The following GRM7 variants were observed in gnomAD, a reference collection of about 807,000 sequenced individuals.
The protein encoded by GRM7 is metabotropic glutamate receptor 7.
A neutral mutation model predicts 84.5 loss-of-function variants in GRM7; 35 were observed. The observed-to-expected ratio is 0.41, with a 90% CI of 0.32 to 0.55. The LOEUF (loss-of-function observed/expected upper bound fraction) is 0.55. GRM7 is among the 20% of genes least tolerant of loss of function. The pLI, the probability that GRM7 is intolerant of heterozygous loss-of-function variation, is 0.19. For missense variants in GRM7, 1,003 were observed against 1,194.6 expected (o/e 0.84, Z 2.36); for synonymous variants, 487 against 455.1 (o/e 1.07, Z -0.89).
intron 4 of GRM7, among the ~76,000 whole-genome samples, chr3:7,330,319 G>C (rs1462763224): frequency 6.6e-6 from 1 of 152,088 alleles, no homozygotes; most frequent in Non-Finnish European, 1.5e-5. Flanking sequence ...GTGACTTTCT[G>C]TCCCTGGAAG....
In GRM7 at chr3:6,861,640, C is replaced by T. The variant is rs747267079; in HGVS notation, c.252C>T (p.Tyr84=). The change falls in exon 1 of 10, where the codon TAC becomes TAT. Residue 84 remains tyrosine, a synonymous_variant. Transcript: ENST00000357716. This position sits in a 1 kb window ranked among gnomAD's most constrained non-coding sequence, Gnocchi z 6.4. ...NGIHRLEAML[Y]ALDQINSDPN... Reference sequence around the variant, plus strand: ...TCCACAGGCTGGAAGCGATGCTCTACGCCCTGGACCAGATCAACAGTGATC... The same window carrying T: ...TCCACAGGCTGGAAGCGATGCTCTATGCCCTGGACCAGATCAACAGTGATC... The T allele has an allele frequency of 8.1e-6, 13 of 1,613,666 alleles. No homozygotes were observed. Among genetic ancestry groups the T allele is most frequent in the South Asian group, 1.1e-5 (1 of 91,016 alleles).
chr3:7,735,746 A>G (rs1282696196), intron 9 of GRM7, among the ~76,000 whole-genome samples: 1 of 152,150 alleles, frequency 6.6e-6, no homozygotes, highest in African/African-American at 2.4e-5. Flanking sequence ...TCCTTCCTTA[A>G]TATCTTACAC....
At chr3:7,373,547 G>A (rs1694224845) in intron 4 of GRM7, among the ~76,000 whole-genome samples, 1 of 152,100 alleles carries the variant, frequency 6.6e-6, no homozygotes, top group African/African-American at 2.4e-5. Flanking sequence ...AGTCCTCCAT[G>A]AGGAAAAGTA....
intron 1 of GRM7, among the ~76,000 whole-genome samples, chr3:7,004,171 C>T (rs1695105519): frequency 6.6e-6 from 1 of 152,112 alleles, no homozygotes; most frequent in Non-Finnish European, 1.5e-5. Flanking sequence ...CGTGATTATA[C>T]ATGTAAGCCA....
At chr3:7,509,872 T>C (rs565375757) in intron 7 of GRM7, among the ~76,000 whole-genome samples, 2 of 152,104 alleles carry the variant, frequency 1.3e-5, no homozygotes, top group African/African-American at 4.8e-5. Flanking sequence ...GGATATAGAA[T>C]CACCAGTGAA....
chr3:7,370,843 C>T (rs977692317), intron 4 of GRM7, among the ~76,000 whole-genome samples: 4 of 152,108 alleles, frequency 2.6e-5, no homozygotes, highest in Non-Finnish European at 5.9e-5. Context: ...ATTCCTCAGG[C>T]AGCAGTGTGG....
intron 4 of GRM7, among the ~76,000 whole-genome samples, chr3:7,391,556 T>C (rs1303701307): frequency 6.6e-6 from 1 of 151,962 alleles, no homozygotes. Flanking sequence ...CCGGGGCCTG[T>C]CGTGGGGCGG....
intron 7 of GRM7, among the ~76,000 whole-genome samples, chr3:7,512,937 A>G (rs1700261265): frequency 6.6e-6 from 1 of 152,194 alleles, no homozygotes; most frequent in African/African-American, 2.4e-5. Context: ...GAAGGCAGGA[A>G]TACCAATTAA....
chr3:7,566,420 A>G (rs1694272133), intron 7 of GRM7, among the ~76,000 whole-genome samples: 1 of 152,182 alleles, frequency 6.6e-6, no homozygotes, highest in Non-Finnish European at 1.5e-5. Flanking sequence ...GATTCATATG[A>G]ATTATGTTTA....
intron 4 of GRM7, among the ~76,000 whole-genome samples, chr3:7,342,446 C>T (rs540111758): frequency 6.6e-6 from 1 of 152,268 alleles, no homozygotes; most frequent in African/African-American, 2.4e-5. Flanking sequence ...CTGTTTCCTG[C>T]TGCATCTAGA....
intron 1 of GRM7, among the ~76,000 whole-genome samples, chr3:6,897,061 G>A (rs921846213): frequency 3.9e-5 from 6 of 152,240 alleles, no homozygotes; most frequent in South Asian, 2.1e-4. Context: ...ACACATAGTC[G>A]GTGCTCCTAG....
chr3:6,959,520 G>C (rs1242792203), intron 1 of GRM7, among the ~76,000 whole-genome samples: 1 of 152,074 alleles, frequency 6.6e-6, no homozygotes, highest in Non-Finnish European at 1.5e-5. Context: ...GTGATGCTCT[G>C]TGAGGCTATG....
At chr3:7,458,754 CTA>C (rs1443759519) in intron 6 of GRM7, among the ~76,000 whole-genome samples, 1 of 152,084 alleles carries the variant, frequency 6.6e-6, no homozygotes. Context: ...CTCTCAAAGA[CTA>C]TGAAAATCTC....
intron 4 of GRM7, among the ~76,000 whole-genome samples, chr3:7,368,047 A>G (rs1366265490): frequency 3.9e-5 from 6 of 152,040 alleles, no homozygotes; most frequent in African/African-American, 1.4e-4. Flanking sequence ...TATGAGAAGA[A>G]TCCAAGAAAT....
At chr3:7,171,973 C>T (rs1000093841) in intron 2 of GRM7, among the ~76,000 whole-genome samples, 3 of 152,176 alleles carry the variant, frequency 2.0e-5, no homozygotes, top group African/African-American at 7.2e-5. Flanking sequence ...TCTCTGGCTG[C>T]AGAAGTAGGT....
intron 9 of GRM7, chr3:7,691,039 AT>A (rs5846531): frequency 0.86 from 289,633 of 337,680 alleles, 121,826 homozygotes; most frequent in African/African-American, 0.96. Context: ...AACTTTGCAG[AT>A]TTTTTTTTTT....
intron 8 of GRM7, among the ~76,000 whole-genome samples, chr3:7,665,842 C>T (rs1018624373): frequency 6.6e-6 from 1 of 152,134 alleles, no homozygotes; most frequent in East Asian, 1.9e-4. Flanking sequence ...GTATTTAAGA[C>T]TCTAAATCCA....
At chr3:7,125,209 G>C (rs1275540415) in intron 1 of GRM7, among the ~76,000 whole-genome samples, 1 of 152,160 alleles carries the variant, frequency 6.6e-6, no homozygotes, top group Non-Finnish European at 1.5e-5. Flanking sequence ...TAAGTGCTGG[G>C]ATTACAGGCG....
At chr3:7,311,712 G>T (rs1700402684) in intron 4 of GRM7, among the ~76,000 whole-genome samples, 1 of 151,672 alleles carries the variant, frequency 6.6e-6, no homozygotes, top group Non-Finnish European at 1.5e-5. Flanking sequence ...TCCTGCCTCA[G>T]CCTCCCTGAG....
Sources: gnomAD v4.1 joint callset for allele counts (sites outside exome capture counted in the v4.1 genomes callset) on GRCh38, gnomAD v4.1.1 for gene constraint, Gnocchi (gnomAD v3.1) non-coding constraint, MANE v1.5 for transcripts, NCBI Gene and HGNC (gene_info 2026-07-23, HGNC 2026-07-21) for gene names.